The following KCNH1 variants were observed in gnomAD, a reference collection of about 807,000 sequenced individuals.
KCNH1 encodes potassium voltage-gated channel subfamily H member 1, also known as voltage-gated delayed rectifier potassium channel KCNH1.
In KCNH1, 27 loss-of-function variants were observed where a neutral mutation model predicts 69.2. That is an observed-to-expected ratio of 0.39 (90% CI 0.29 to 0.54). The LOEUF (loss-of-function observed/expected upper bound fraction) is 0.54, where lower values mean the gene tolerates loss of function less well. KCNH1 is among the 20% of genes least tolerant of loss of function. KCNH1 has a pLI of 0.68. For synonymous variants in KCNH1, 456 were observed against 487.7 expected (o/e 0.93, Z 0.86); for missense variants, 798 against 1,261.6 (o/e 0.63, Z 5.57).
chr1:210,738,275 G>A (rs901761770), intron 10 of KCNH1, among the ~76,000 whole-genome samples: 1 of 152,128 alleles, frequency 6.6e-6, no homozygotes, highest in Non-Finnish European at 1.5e-5. Context: ...GGCTTCTCTG[G>A]CCACTCTACG....
At chr1:210,716,275 T>G (rs1248343940) in intron 10 of KCNH1, among the ~76,000 whole-genome samples, 1 of 151,530 alleles carries the variant, frequency 6.6e-6, no homozygotes, top group Admixed American at 6.6e-5. Flanking sequence ...CTACTAAAAA[T>G]ACAAAAATTA....
intron 7 of KCNH1, among the ~76,000 whole-genome samples, chr1:210,916,755 T>A (rs1687339866): frequency 6.6e-6 from 1 of 152,166 alleles, no homozygotes. Flanking sequence ...TGGCAAATAA[T>A]AAGTGCTCAA....
At chr1:210,831,945 T>G (rs1036201174) in intron 7 of KCNH1, among the ~76,000 whole-genome samples, 1 of 151,828 alleles carries the variant, frequency 6.6e-6, no homozygotes, top group African/African-American at 2.4e-5. Flanking sequence ...CCTTGAAATG[T>G]GCTGGTACAA....
At chr1:211,109,646 T>C (rs555890553) in intron 1 of KCNH1, among the ~76,000 whole-genome samples, 13 of 152,240 alleles carry the variant, frequency 8.5e-5, no homozygotes, top group African/African-American at 2.2e-4. Context: ...CAGTTATAGA[T>C]AATGAGTTGA....
intron 6 of KCNH1, among the ~76,000 whole-genome samples, chr1:210,991,626 CACACACAT>C (rs1177957099): frequency 6.6e-5 from 10 of 151,696 alleles, no homozygotes; most frequent in African/African-American, 1.5e-4. Flanking sequence ...CACACACACA[CACACACAT>C]AACACATACA....
At chr1:211,009,982 T>G (rs1019946183) in intron 6 of KCNH1, among the ~76,000 whole-genome samples, 2 of 152,090 alleles carry the variant, frequency 1.3e-5, no homozygotes, top group African/African-American at 4.8e-5. Context: ...ACGAGCTGGG[T>G]GTTGTCAGTC....
intron 6 of KCNH1, among the ~76,000 whole-genome samples, chr1:210,965,007 A>AG (rs1688371368): frequency 6.6e-6 from 1 of 152,242 alleles, no homozygotes; most frequent in Admixed American, 6.5e-5. Flanking sequence ...CCACATGATT[A>AG]TCTCAATAGA....
intron 10 of KCNH1, among the ~76,000 whole-genome samples, chr1:210,717,705 AC>A (rs1424661985): frequency 1.3e-5 from 2 of 152,240 alleles, no homozygotes; most frequent in Non-Finnish European, 2.9e-5. Context: ...GTACTCAGGA[AC>A]AGCAGATTCC....
intron 7 of KCNH1, among the ~76,000 whole-genome samples, chr1:210,836,658 A>G (rs1685288940): frequency 6.6e-6 from 1 of 152,196 alleles, no homozygotes; most frequent in African/African-American, 2.4e-5. Flanking sequence ...ATACCAAGAT[A>G]AAAAATATAT....
chr1:210,766,726 G>A (rs955376700), intron 10 of KCNH1, among the ~76,000 whole-genome samples: 2 of 152,162 alleles, frequency 1.3e-5, no homozygotes, highest in Non-Finnish European at 2.9e-5. Flanking sequence ...TTAGTAAAAA[G>A]TAAATTGCCA....
At position 210,861,950 on chromosome 1, in the gene KCNH1, A is replaced by C. The variant is rs916940616; in HGVS notation, c.1462+57690T>G. The C allele has an allele frequency of 1.0e-5, 8 of 762,080 alleles. 1 individual carries two copies. The South Asian group carries it at 1.2e-4, about 11-fold the overall frequency. 47.2% of individuals were successfully genotyped at this position (762,080 alleles called of 1,614,324 possible). ...TCACGTTTGGTGATGTGATGAATGCATGTAGTAAGCTGTACCCTGATGAGC... is the reference window on the plus strand; with the variant it reads ...TCACGTTTGGTGATGTGATGAATGCCTGTAGTAAGCTGTACCCTGATGAGC... On this transcript the variant is annotated intron_variant, in intron 7 of 10. Coordinates refer to ENST00000271751, the MANE Select transcript of KCNH1 (RefSeq NM_172362.3).
intron 9 of KCNH1, among the ~76,000 whole-genome samples, chr1:210,789,498 TA>T (rs755322248): frequency 2.2e-4 from 34 of 152,248 alleles, no homozygotes; most frequent in Non-Finnish European, 4.1e-4. Context: ...ATAACAAAAA[TA>T]ATGCTGTCAA....
chr1:211,014,931 C>A (rs1689465724), intron 6 of KCNH1, among the ~76,000 whole-genome samples: 1 of 152,238 alleles, frequency 6.6e-6, no homozygotes, highest in Non-Finnish European at 1.5e-5. Context: ...TCAGAATTCT[C>A]CAACCCAGGG....
At chr1:210,744,134 G>A (rs1364540278) in intron 10 of KCNH1, among the ~76,000 whole-genome samples, 2 of 152,158 alleles carry the variant, frequency 1.3e-5, no homozygotes, top group African/African-American at 4.8e-5. Flanking sequence ...ATAAGCAAGG[G>A]GGATGTGGTC....
intron 6 of KCNH1, among the ~76,000 whole-genome samples, chr1:210,982,063 G>C (rs1688720517): frequency 6.6e-6 from 1 of 151,890 alleles, no homozygotes; most frequent in Admixed American, 6.6e-5. Flanking sequence ...ATTGGTCTGG[G>C]GGTCATGAAA....
At chr1:210,704,840 G>A (rs993646655) in intron 10 of KCNH1, among the ~76,000 whole-genome samples, 3 of 152,288 alleles carry the variant, frequency 2.0e-5, no homozygotes, top group East Asian at 3.9e-4. Flanking sequence ...CACACATGGA[G>A]AGCAACTGGT....
intron 6 of KCNH1, among the ~76,000 whole-genome samples, chr1:210,959,419 C>A (rs564908633): frequency 6.6e-6 from 1 of 152,174 alleles, no homozygotes; most frequent in Non-Finnish European, 1.5e-5. Flanking sequence ...AGAGCTCAAA[C>A]GCCATGCTGG....
chr1:211,121,585 A>G (rs1441832208), intron 1 of KCNH1, among the ~76,000 whole-genome samples: 1 of 152,242 alleles, frequency 6.6e-6, no homozygotes, highest in African/African-American at 2.4e-5. Flanking sequence ...ACCCTAGAAG[A>G]AAACCTAGGC....
intron 7 of KCNH1, among the ~76,000 whole-genome samples, chr1:210,892,991 C>T (rs1404883783): frequency 6.6e-6 from 1 of 152,134 alleles, no homozygotes; most frequent in Non-Finnish European, 1.5e-5. Context: ...GGGAGGGATA[C>T]TGATTCCATT....
Sources: allele counts gnomAD v4.1 joint callset (sites outside exome capture counted in the v4.1 genomes callset), GRCh38; gene constraint gnomAD v4.1.1; transcripts MANE v1.5; gene names NCBI Gene and HGNC (gene_info 2026-07-23, HGNC 2026-07-21).